TENM4: variants seen among roughly 807,000 people sequenced by gnomAD.
TENM4 encodes teneurin-4.
A neutral mutation model predicts 243.3 loss-of-function variants in TENM4; 82 were observed. The ratio of observed to expected loss-of-function variants is 0.34; its 90% CI spans 0.28 to 0.40. The LOEUF (loss-of-function observed/expected upper bound fraction) is 0.40. Among genes scored for constraint, TENM4 ranks in the 10% least tolerant of loss-of-function variants. TENM4 has a pLI of 1.00. For missense variants in TENM4, 3,138 were observed against 3,673.3 expected (o/e 0.85, Z 3.77); for synonymous variants, 1,412 against 1,456.3 (o/e 0.97, Z 0.69).
intron 1 of TENM4, among the ~76,000 whole-genome samples, chr11:79,330,169 T>A (rs1324311797): frequency 6.6e-6 from 1 of 152,116 alleles, no homozygotes; most frequent in African/African-American, 2.4e-5. Flanking sequence ...AAAGCAGAAC[T>A]GGGAAGAATG....
At chr11:79,084,564 C>T (rs188988630) in intron 4 of TENM4, among the ~76,000 whole-genome samples, 1 of 152,244 alleles carries the variant, frequency 6.6e-6, no homozygotes, top group Admixed American at 6.5e-5. Context: ...ACCAATAAAT[C>T]ACCAGGGAAT....
chr11:79,259,655 A>G (rs1855761045), intron 2 of TENM4, among the ~76,000 whole-genome samples: 1 of 123,432 alleles, frequency 8.1e-6, no homozygotes, highest in Non-Finnish European at 1.7e-5. Context: ...CCATCCATCC[A>G]TCTATCCATC....
At chr11:79,067,152 T>G (rs926745350) in intron 5 of TENM4, among the ~76,000 whole-genome samples, 3 of 152,210 alleles carry the variant, frequency 2.0e-5, no homozygotes, top group African/African-American at 4.8e-5. Context: ...GCCCGTGGGC[T>G]CTGCTCAGTG....
At chr11:79,127,638 A>G (rs1861909139) in intron 4 of TENM4, among the ~76,000 whole-genome samples, 1 of 152,178 alleles carries the variant, frequency 6.6e-6, no homozygotes, top group African/African-American at 2.4e-5. Flanking sequence ...TCATAATCTT[A>G]TTCGGGGAGA....
At position 78,669,584 on chromosome 11, in the gene TENM4, T is replaced by C. The variant is rs1303951955; in HGVS notation, c.6761A>G (p.Lys2254Arg). ...RITRLGDVQY[K>R]MDEDGFLRQR... The stretch of plus-strand genomic sequence containing the variant: ...CCTCAGGAAGCCATCCTCATCCATC[T>C]TGTATTGCACGTCACCCAGCCGAGT... The change falls in exon 32 of 34, where the codon AAG (lysine) becomes AGG (arginine). Residue 2254 changes from lysine (K) to arginine (R), a missense_variant. By Grantham distance (26) the Lys-to-Arg change is conservative. Coordinates refer to ENST00000278550, the MANE Select transcript of TENM4 (RefSeq NM_001098816.3). This position sits in a 1 kb window ranked among gnomAD's most constrained non-coding sequence, Gnocchi z 6.4. 4.3e-6 allele frequency: 7 copies of C among 1,614,000 alleles called. No individual in the cohort carries two copies. The highest frequency in any genetic ancestry group is 2.7e-5 in the African/African-American group (2 of 75,044).
chr11:79,232,030 A>G (rs1182844997), intron 2 of TENM4, among the ~76,000 whole-genome samples: 1 of 152,250 alleles, frequency 6.6e-6, no homozygotes, highest in East Asian at 1.9e-4. Context: ...CAGTGAGACA[A>G]GATCATACCA....
chr11:78,821,818 T>C (rs745448591), intron 12 of TENM4, among the ~76,000 whole-genome samples: 5 of 152,244 alleles, frequency 3.3e-5, no homozygotes, highest in Non-Finnish European at 7.3e-5. Flanking sequence ...ATAAGGACTA[T>C]AGTCCTTGGG....
chr11:79,191,511 C>CG (rs1458669145), intron 3 of TENM4: 1 of 156,866 alleles, frequency 6.4e-6, no homozygotes, highest in Non-Finnish European at 1.4e-5. Context: ...CCTTGGCCCC[C>CG]CAAAGTGCGG....
chr11:78,841,942 T>C (rs1858268007), intron 12 of TENM4, among the ~76,000 whole-genome samples: 1 of 152,140 alleles, frequency 6.6e-6, no homozygotes, highest in Non-Finnish European at 1.5e-5. Flanking sequence ...CTAAGTTTTC[T>C]CTACTTTTTC....
At chr11:78,903,907 T>C (rs1179613331) in intron 6 of TENM4, 1 of 505,164 alleles carries the variant, frequency 2.0e-6, no homozygotes, top group East Asian at 5.4e-5. Flanking sequence ...TTGTTAGAGA[T>C]GAAAATAAGC....
In TENM4 at chr11:78,732,560, T is replaced by C. The variant is rs141471364; in HGVS notation, c.2894A>G (p.Asn965Ser). ...RQDGSFDLVTNGGISIILRFE... is the reference protein window; with the variant it reads ...RQDGSFDLVTSGGISIILRFE... ...CCGCAGGATGATGGAGATGCCGCCA[T>C]TTGTCACCAAGTCAAAGCTGTTTGG... Residue 965 changes from asparagine to serine, a missense_variant, in exon 21 of 34, where the codon AAT (asparagine) becomes AGT (serine). Asn to Ser is a conservative substitution (Grantham distance 46, BLOSUM62 1). Transcript: ENST00000278550. 6.3e-3 allele frequency: 10,114 copies of C among 1,603,962 alleles called. 52 individuals carry two copies. Among genetic ancestry groups the C allele is most frequent in the South Asian group, 7.0e-3 (634 of 90,196 alleles).
intron 29 of TENM4, among the ~76,000 whole-genome samples, chr11:78,683,299 G>A (rs1360228793): frequency 1.4e-5 from 1 of 70,948 alleles, no homozygotes; most frequent in East Asian, 2.1e-4. Context: ...GCTGTGGTGG[G>A]CTCCACCCAG....
At chr11:78,733,201 T>C (rs1005663470) in intron 20 of TENM4, among the ~76,000 whole-genome samples, 1 of 152,176 alleles carries the variant, frequency 6.6e-6, no homozygotes, top group South Asian at 2.1e-4. Context: ...AGAAACACAG[T>C]ATCTTACAAG....
chr11:78,932,963 C>T (rs1435761470), intron 6 of TENM4, among the ~76,000 whole-genome samples: 1 of 152,154 alleles, frequency 6.6e-6, no homozygotes, highest in African/African-American at 2.4e-5. Flanking sequence ...GTTGGGGACT[C>T]TTGCTTTACA....
intron 1 of TENM4, among the ~76,000 whole-genome samples, chr11:79,322,441 G>T (rs1446907344): frequency 6.6e-6 from 1 of 152,134 alleles, no homozygotes; most frequent in Non-Finnish European, 1.5e-5. Context: ...TACCCGTTGA[G>T]GCTGTGGTCT....
At chr11:78,733,824 G>T (rs1046416075) in intron 20 of TENM4, among the ~76,000 whole-genome samples, 2 of 152,130 alleles carry the variant, frequency 1.3e-5, no homozygotes, top group African/African-American at 4.8e-5. Flanking sequence ...TCACTAATCC[G>T]GCAGGCTGGG....
rs1280863479 is a variant in TENM4, at chr11:79,064,754, A to G, written c.477T>C (p.His159=). ...NSNLTLTDTE[H]ENTETDHPGG... ...GCCACTCACCAGTCTCAGTGTTTTC[A>G]TGCTCGGTGTCGGTGAGTGTGAGAT... The change falls in exon 6 of 34, where the codon CAT becomes CAC. Residue 159 remains histidine (H), a synonymous_variant. Transcript: ENST00000278550. The G allele has an allele frequency of 1.9e-6, 3 of 1,551,686 alleles. No homozygotes were observed. The highest frequency in any genetic ancestry group is 1.7e-6 in the Non-Finnish European group (2 of 1,146,982).
Position 78,867,142 on chromosome 11 carries a change from TTTAA to T in TENM4, c.1085-4014_1085-4011del, listed in dbSNP as rs1258933065. ...CTTTTAGTTATTTTAAAATGTATTG[TTTAA>T]TTGTTATTGACTATAGTCCACCCTG... On this transcript the variant is annotated intron_variant, in intron 9 of 33. Transcript: ENST00000278550. 3.9e-5 allele frequency among the ~76,000 whole-genome samples: 6 copies of T among 152,288 alleles called. No individual in the cohort carries two copies. In the South Asian group the frequency reaches 1.0e-3, roughly 26 times the overall value.
chr11:78,752,047 C>T (rs1180584481), intron 19 of TENM4, among the ~76,000 whole-genome samples: 1 of 152,238 alleles, frequency 6.6e-6, no homozygotes, highest in Admixed American at 6.5e-5. Flanking sequence ...CATGCCTACT[C>T]TGTCCCCTCC....
Sources: allele counts gnomAD v4.1 joint callset (sites outside exome capture counted in the v4.1 genomes callset), GRCh38; gene constraint gnomAD v4.1.1; non-coding constraint Gnocchi (gnomAD v3.1); transcripts MANE v1.5; gene names NCBI Gene and HGNC (gene_info 2026-07-23, HGNC 2026-07-21).